AKR1B15: variants seen among roughly 807,000 people sequenced by gnomAD.
The protein encoded by AKR1B15 is aldo-keto reductase family 1 member B15.
AKR1B15 carries 49 observed loss-of-function variants against 38.5 expected under a neutral mutation model. That is an observed-to-expected ratio of 1.27 (90% CI 1.01 to 1.62). The LOEUF (loss-of-function observed/expected upper bound fraction) is 1.62, where lower values mean the gene tolerates loss of function less well. Among genes scored for constraint, AKR1B15 ranks in the 40% most tolerant of loss-of-function variants. The probability of loss-of-function intolerance (pLI) is 0.00; values close to 1 mark genes in which losing one functional copy is unlikely to be tolerated. For synonymous variants in AKR1B15, 137 were observed against 135.5 expected, an observed-to-expected ratio of 1.01 and a Z score of -0.08; for missense variants, 411 against 381.6, an observed-to-expected ratio of 1.08 and a Z score of -0.64.
chr7:134,560,201 T>C (rs1794342618), intron 2 of AKR1B15, among the ~76,000 whole-genome samples: 1 of 152,162 alleles, frequency 6.6e-6, no homozygotes, highest in Admixed American at 6.5e-5. Context: ...GTCCTGGCCT[T>C]GAGACTTGCT....
At chr7:134,550,476 C>T (rs143038428) in intron 1 of AKR1B15, among the ~76,000 whole-genome samples, 29 of 152,278 alleles carry the variant, frequency 1.9e-4, no homozygotes, top group African/African-American at 6.5e-4. Flanking sequence ...GGGGGGGTCA[C>T]CTAAGTCCCA....
chr7:134,568,990 G>C (rs1794606213), intron 4 of AKR1B15, among the ~76,000 whole-genome samples: 1 of 152,134 alleles, frequency 6.6e-6, no homozygotes. Flanking sequence ...CTTGGGTCCT[G>C]ATAGGCTTGA....
chr7:134,569,268 C>T (rs1794612670), intron 4 of AKR1B15, 145 bp from the exon 5 acceptor site: 2 of 902,632 alleles, frequency 2.2e-6, no homozygotes, highest in East Asian at 2.5e-5. Context: ...CGATCTTCCA[C>T]ACTGCATCGT....
Position 134,562,838 on chromosome 7 carries a change from CTTTCTTTCTTTCTT to C in AKR1B15, c.-22-1758_-22-1745del, listed in dbSNP as rs1562946934. Among the ~76,000 whole-genome samples the C allele has an allele frequency of 6.7e-4, 32 of 47,574 alleles. 1 individual carries two copies. Among genetic ancestry groups the C allele is most frequent in the African/African-American group, 2.8e-3 (28 of 9,984 alleles). The allele number at this position is 47,574 out of a possible 152,430, so 31.2% of individuals were successfully genotyped here. A position where few individuals can be genotyped will look rare whatever the true frequency, so the allele number is the denominator to read the frequency against. On this transcript the variant is annotated intron_variant, in intron 2 of 11. Coordinates refer to ENST00000457545, the MANE Select transcript of AKR1B15 (RefSeq NM_001080538.3). The stretch of plus-strand genomic sequence containing the variant: ...TTTCTTCCTTCCTTCCTTTCTCTTT[CTTTCTTTCTTTCTT>C]TCTTTCTTTCTTTCTTTCTTTCTTT...
chr7:134,567,944 C>A lies in AKR1B15; in HGVS notation c.151-214C>A, dbSNP rs528522524. On this transcript the variant is annotated intron_variant, in intron 3 of 11. Coordinates refer to ENST00000457545, the MANE Select transcript of AKR1B15 (RefSeq NM_001080538.3). ...CCTGGCAAAGAAGACCCCAGCGAAG[C>A]CTTGGTTTGGAGAAACTGGACCGTG... Among the ~76,000 whole-genome samples, 81 of 152,184 alleles carry A rather than the reference C, an allele frequency of 5.3e-4. 3 individuals are homozygous for A. In the South Asian group the frequency reaches 0.015, roughly 28 times the overall value.
Position 134,579,599 on chromosome 7 carries a change from A to C in AKR1B15, c.*50A>C, listed in dbSNP as rs373429148. ...ACAGGGGATTCTCTTTCTTCGCTGA[A>C]GTGTGACTGTCTCCACTCAAGAACT... On this transcript the variant is annotated 3_prime_UTR_variant, in exon 12 of 12. Coordinates refer to ENST00000457545, the MANE Select transcript of AKR1B15 (RefSeq NM_001080538.3). 7.4e-6 allele frequency: 11 copies of C among 1,487,304 alleles called. No homozygotes were observed. The African/African-American group carries it at 1.3e-4, about 17-fold the overall frequency. The allele number at this position is 1,487,304 out of a possible 1,614,324, so 92.1% of individuals were successfully genotyped here.
chr7:134,574,649 T>C (rs1433776706), intron 6 of AKR1B15, among the ~76,000 whole-genome samples: 2 of 152,250 alleles, frequency 1.3e-5, no homozygotes, highest in Admixed American at 6.5e-5. Context: ...ATGTAATAGA[T>C]GGCTACTAAA....
At chr7:134,557,376 G>A (rs1361410763) in intron 2 of AKR1B15, among the ~76,000 whole-genome samples, 2 of 152,130 alleles carry the variant, frequency 1.3e-5, no homozygotes. Context: ...TGGGAAATGT[G>A]ATACCCTAAC....
At chr7:134,556,022 G>A (rs369598949) in intron 1 of AKR1B15, among the ~76,000 whole-genome samples, 3 of 152,110 alleles carry the variant, frequency 2.0e-5, no homozygotes, top group East Asian at 1.9e-4. Flanking sequence ...ATAACTCTCC[G>A]TAACCCTAGT....
intron 6 of AKR1B15, chr7:134,573,246 G>C (rs1794700659): frequency 3.1e-6 from 1 of 323,130 alleles, no homozygotes; most frequent in South Asian, 1.2e-4. Flanking sequence ...GGCCAGGCTG[G>C]TCTCAAACTC....
At chr7:134,571,319 G>A (rs697537) in intron 5 of AKR1B15, among the ~76,000 whole-genome samples, 4 of 152,226 alleles carry the variant, frequency 2.6e-5, no homozygotes, top group African/African-American at 9.6e-5. Context: ...TGTATAGGAT[G>A]TAGGTGTGTG....
intron 1 of AKR1B15, among the ~76,000 whole-genome samples, chr7:134,552,528 G>T (rs1794022900): frequency 6.6e-6 from 1 of 152,008 alleles, no homozygotes; most frequent in African/African-American, 2.4e-5. Context: ...ATTACAAGCT[G>T]GTATACTCAC....
intron 6 of AKR1B15, among the ~76,000 whole-genome samples, chr7:134,572,720 A>C (rs554013889): frequency 6.6e-6 from 1 of 151,972 alleles, no homozygotes; most frequent in South Asian, 2.1e-4. Context: ...ATCATTTCAT[A>C]TTGAAAATGA....
At chr7:134,574,040 C>A (rs1352426233) in intron 6 of AKR1B15, among the ~76,000 whole-genome samples, 6 of 147,672 alleles carry the variant, frequency 4.1e-5, no homozygotes, top group Non-Finnish European at 9.0e-5. Flanking sequence ...GCACACGTCA[C>A]CGCATCCAGC....
Position 134,557,219 on chromosome 7 carries a change from G to GGTTA in AKR1B15, c.-23+363_-23+366dup, listed in dbSNP as rs549109847. On this transcript the variant is annotated intron_variant, in intron 2 of 11. Transcript: ENST00000457545. ...GACCCCCTTCTCCTCCTCTTGTTAG[G>GGTTA]GTTAGTCTTCAGGCCTTGTATATTA... Among the ~76,000 whole-genome samples the GGTTA allele has an allele frequency of 1.1e-4, 16 of 152,136 alleles. No homozygotes were observed. In the South Asian group the frequency reaches 2.9e-3, roughly 28 times the overall value.
chr7:134,567,610 A>G (rs1470857540), intron 3 of AKR1B15, among the ~76,000 whole-genome samples: 1 of 152,066 alleles, frequency 6.6e-6, no homozygotes, highest in Non-Finnish European at 1.5e-5. Context: ...TTAGACCCAC[A>G]CACCCAGTAA....
chr7:134,575,518 G>A lies in AKR1B15; in HGVS notation c.612G>A (p.Leu204=), dbSNP rs1220362026. The change falls in exon 7 of 12, where the codon CTG becomes CTA. Residue 204 remains leucine (L), a synonymous_variant. Transcript: ENST00000457545. ...QIERLLNKPG[L]KYKPVTNQVE... ...AGAGGCTCTTGAACAAACCTGGACT[G>A]AAATATAAACCAGTGACTAACCAGG... is the stretch of plus-strand genomic sequence containing the variant. 1 of 1,613,854 alleles carries A rather than the reference G, an allele frequency of 6.2e-7. No homozygotes were observed.
chr7:134,565,152 G>A (rs1794504232), intron 3 of AKR1B15: 2 of 350,336 alleles, frequency 5.7e-6, no homozygotes, highest in South Asian at 4.3e-5. Flanking sequence ...TGGAAACTTT[G>A]TTCTTACCCT....
At chr7:134,573,657 C>A in intron 6 of AKR1B15, 2 of 536,356 alleles carry the variant, frequency 3.7e-6, no homozygotes, top group Non-Finnish European at 4.8e-6. Flanking sequence ...GGAAAACTAA[C>A]CTGACCTATG....
Sources: gnomAD v4.1 joint callset for allele counts (sites outside exome capture counted in the v4.1 genomes callset) on GRCh38, gnomAD v4.1.1 for gene constraint, MANE v1.5 for transcripts, NCBI Gene and HGNC (gene_info 2026-07-23, HGNC 2026-07-21) for gene names.